The following RC3H2 variants were observed in gnomAD, a reference collection of about 807,000 sequenced individuals.
RC3H2 encodes the protein roquin-2.
In RC3H2, 31 loss-of-function variants were observed where a neutral mutation model predicts 133.3. The observed-to-expected ratio is 0.23, with a 90% CI of 0.17 to 0.31. RC3H2 has a LOEUF of 0.31. Among genes scored for constraint, RC3H2 ranks in the 10% least tolerant of loss-of-function variants. The pLI, the probability that RC3H2 is intolerant of heterozygous loss-of-function variation, is 1.00. For missense variants in RC3H2, 1,175 were observed against 1,437.2 expected (o/e 0.82, Z 2.95); for synonymous variants, 517 against 502.2 (o/e 1.03, Z -0.40).
At chr9:122,863,324 C>G (rs1339777639) in intron 10 of RC3H2, among the ~76,000 whole-genome samples, 1 of 152,146 alleles carries the variant, frequency 6.6e-6, no homozygotes, top group Non-Finnish European at 1.5e-5. Context: ...CAAAAATCTT[C>G]AAAAGCTTAT....
intron 15 of RC3H2, among the ~76,000 whole-genome samples, chr9:122,854,930 T>C (rs1375631262): frequency 6.6e-6 from 1 of 151,758 alleles, no homozygotes; most frequent in Non-Finnish European, 1.5e-5. Flanking sequence ...ATGGCGAAAC[T>C]AAAATACAAA....
At chr9:122,856,477 A>C (rs1312716321) in intron 13 of RC3H2, among the ~76,000 whole-genome samples, 7 of 152,034 alleles carry the variant, frequency 4.6e-5, no homozygotes, top group Admixed American at 6.6e-5. Context: ...CTGGTATCAA[A>C]CTCCTGGGCT....
chr9:122,881,457 CAAAAA>C (rs11321863), intron 5 of RC3H2, among the ~76,000 whole-genome samples: 4 of 85,334 alleles, frequency 4.7e-5, no homozygotes, highest in African/African-American at 8.1e-5. Context: ...GACTCCGTCT[CAAAAA>C]AAAAAAAAAA....
rs763570507 is a variant in RC3H2, at chr9:122,892,925, T to C, written c.333A>G (p.Pro111=). The C allele has an allele frequency of 1.2e-6, 2 of 1,612,594 alleles. No individual in the cohort carries two copies. Among genetic ancestry groups the C allele is most frequent in the South Asian group, 1.1e-5 (1 of 91,008 alleles). The change falls in exon 3 of 21, where the codon CCA becomes CCG. Residue 111 remains proline, a synonymous_variant. Coordinates refer to ENST00000357244, the MANE Select transcript of RC3H2 (RefSeq NM_001100588.3). The part of the protein sequence containing the change: ...CVEDLALYLK[P]LSGGKGVASL... Reference sequence around the variant, plus strand: ...TGAACTTACCTTTACCTCCACTTAGTGGTTTTAAGTAGAGTGCCAAATCCT... The same window carrying C: ...TGAACTTACCTTTACCTCCACTTAGCGGTTTTAAGTAGAGTGCCAAATCCT...
intron 18 of RC3H2, chr9:122,851,688 G>A (rs868652923): frequency 1.6e-4 from 64 of 411,154 alleles, no homozygotes; most frequent in African/African-American, 1.2e-3. Flanking sequence ...TGGTGGAGAC[G>A]GGGTTTCGCT....
rs2596693 is a variant in RC3H2 at position 122,905,260 on chromosome 9, G to C, written c.-218C>G. On this transcript the variant is annotated 5_prime_UTR_variant, in exon 1 of 21. Coordinates refer to ENST00000357244, the MANE Select transcript of RC3H2 (RefSeq NM_001100588.3). ...CATCGGGAGCTACAGGGACAGCCCC[G>C]TTGGCGGCGGCGAAGGCCGCGACGG... is the stretch of plus-strand genomic sequence containing the variant. The C allele has an allele frequency of 4.3e-4, 428 of 985,908 alleles. No individual in the cohort carries two copies. Among genetic ancestry groups the C allele is most frequent in the Admixed American group, 1.0e-3 (17 of 16,298 alleles). The allele number at this position is 985,908 out of a possible 1,614,324, so 61.1% of individuals were successfully genotyped here. A position where few individuals can be genotyped will look rare whatever the true frequency, so the allele number is the denominator to read the frequency against.
intron 5 of RC3H2, 98 bp downstream of exon 5, chr9:122,883,106 A>G: frequency 9.0e-7 from 1 of 1,114,272 alleles, no homozygotes; most frequent in Non-Finnish European, 1.3e-6. Context: ...TCTTGTAAGC[A>G]TTCTGCATTG....
chr9:122,862,438 G>A (rs774168336), intron 10 of RC3H2, among the ~76,000 whole-genome samples: 5 of 152,056 alleles, frequency 3.3e-5, no homozygotes, highest in African/African-American at 9.7e-5. Context: ...CATCCACAAG[G>A]CCCTTCCTTC....
intron 14 of RC3H2, 25 bp from the exon 15 acceptor site, chr9:122,855,422 A>C: frequency 6.3e-7 from 1 of 1,588,480 alleles, no homozygotes; most frequent in Non-Finnish European, 8.6e-7. Flanking sequence ...GAAAATCAAT[A>C]AAAGGACTGT....
intron 3 of RC3H2, among the ~76,000 whole-genome samples, chr9:122,892,113 A>T (rs1832202174): frequency 6.9e-6 from 1 of 144,794 alleles, no homozygotes; most frequent in Non-Finnish European, 1.5e-5. Flanking sequence ...ACTCTGGTAA[A>T]TTTTTTTTTT....
At chr9:122,877,376 A>G in intron 9 of RC3H2, 95 bp downstream of exon 9, 1 of 983,552 alleles carries the variant, frequency 1.0e-6, no homozygotes, top group Non-Finnish European at 1.6e-6. Context: ...CTTAACTTGC[A>G]TTTTTGAAAG....
Position 122,879,980 on chromosome 9 carries a change from T to C in RC3H2, c.1093+13A>G. The C allele has an allele frequency of 6.2e-7, 1 of 1,613,996 alleles. No individual in the cohort carries two copies. The highest frequency in any genetic ancestry group is 8.5e-7 in the Non-Finnish European group (1 of 1,179,988). On this transcript the variant is annotated intron_variant, in intron 7 of 20. Transcript: ENST00000357244. ...AGAAAAAAATATAAGCAACTGAGCA[T>C]ATTCCCACATACCTGGATTAGGGTC... is the stretch of plus-strand genomic sequence containing the variant.
rs544130214 is a variant in RC3H2, at chr9:122,905,312, G to C, written c.-270C>G. On this transcript the variant is annotated 5_prime_UTR_variant, in exon 1 of 21. Coordinates refer to ENST00000357244, the MANE Select transcript of RC3H2 (RefSeq NM_001100588.3). ...GCCTCCTCCTCCTCCCTCCACCTCC[G>C]CCTCCTCCTCCTCCTCCTCCTCACC... The C allele has an allele frequency of 3.3e-4, 328 of 979,742 alleles. No individual in the cohort carries two copies. The highest frequency in any genetic ancestry group is 4.3e-4 in the Admixed American group (7 of 16,252). The allele number at this position is 979,742 out of a possible 1,614,324, so 60.7% of individuals were successfully genotyped here. A position where few individuals can be genotyped will look rare whatever the true frequency, so the allele number is the denominator to read the frequency against.
intron 10 of RC3H2, among the ~76,000 whole-genome samples, chr9:122,860,847 G>A (rs532828156): frequency 2.7e-4 from 41 of 152,204 alleles, no homozygotes; most frequent in Middle Eastern, 3.4e-3. Flanking sequence ...AAACAGACAT[G>A]GTAAGAAAAG....
In RC3H2 at chr9:122,905,324, T is replaced by TCCCTCCA; in HGVS notation, c.-283_-282insTGGAGGG. 1 of 981,588 alleles carries TCCCTCCA rather than the reference T, an allele frequency of 1.0e-6. No individual in the cohort carries two copies. The highest frequency in any genetic ancestry group is 1.2e-6 in the Non-Finnish European group (1 of 826,252). 60.8% of individuals were successfully genotyped at this position (981,588 alleles called of 1,614,324 possible). On this transcript the variant is annotated 5_prime_UTR_variant, in exon 1 of 21. Coordinates refer to ENST00000357244, the MANE Select transcript of RC3H2 (RefSeq NM_001100588.3). ...TCCCTCCACCTCCGCCTCCTCCTCCTCCTCCTCCTCACCACGGAGGCGGAC... is the reference window on the plus strand; with the variant it reads ...TCCCTCCACCTCCGCCTCCTCCTCCTCCCTCCACCTCCTCCTCACCACGGAGGCGGAC...
At chr9:122,852,160 G>C (rs1464398755) in intron 18 of RC3H2, among the ~76,000 whole-genome samples, 1 of 150,428 alleles carries the variant, frequency 6.6e-6, no homozygotes, top group African/African-American at 2.5e-5. Flanking sequence ...CCCTGTCTGG[G>C]ATGTGAGGAA....
chr9:122,893,573 G>T (rs1003282767), intron 2 of RC3H2, among the ~76,000 whole-genome samples: 1 of 152,150 alleles, frequency 6.6e-6, no homozygotes, highest in Non-Finnish European at 1.5e-5. Context: ...AGGAAGAAAA[G>T]AAGCAGAAAG....
intron 15 of RC3H2, 23 bp from the exon 16 acceptor site, chr9:122,854,638 A>T (rs1235628513): frequency 9.8e-6 from 15 of 1,537,804 alleles, no homozygotes; most frequent in Admixed American, 1.7e-5. Context: ...AGAATGAAAC[A>T]ATGGTCAAAA....
intron 10 of RC3H2, 88 bp downstream of exon 10, chr9:122,865,261 A>T (rs1830595845): frequency 8.8e-7 from 1 of 1,132,996 alleles, no homozygotes; most frequent in Non-Finnish European, 1.3e-6. Context: ...ATTCTGATTA[A>T]CCGGTATTCA....
Sources: allele counts gnomAD v4.1 joint callset (sites outside exome capture counted in the v4.1 genomes callset), GRCh38; gene constraint gnomAD v4.1.1; transcripts MANE v1.5; gene names NCBI Gene and HGNC (gene_info 2026-07-23, HGNC 2026-07-21).